The following DPP10 variants were observed in gnomAD, a reference collection of about 807,000 sequenced individuals.
DPP10 encodes the protein dipeptidyl peptidase like 10.
DPP10 carries 33 observed loss-of-function variants against 120.9 expected under a neutral mutation model. That is an observed-to-expected ratio of 0.27 (90% CI 0.21 to 0.37). The LOEUF (loss-of-function observed/expected upper bound fraction) is 0.37. DPP10 is among the 10% of genes least tolerant of loss of function. DPP10 has a pLI of 1.00. For missense variants in DPP10, 816 were observed against 942.8 expected, an observed-to-expected ratio of 0.87 and a Z score of 1.76; for synonymous variants, 337 against 326.1, an observed-to-expected ratio of 1.03 and a Z score of -0.36.
chr2:115,056,791 G>A (rs1282429441), intron 1 of DPP10, among the ~76,000 whole-genome samples: 1 of 152,170 alleles, frequency 6.6e-6, no homozygotes, highest in Non-Finnish European at 1.5e-5. Context: ...TAGAGGAGGA[G>A]GAGAAACAAA....
intron 5 of DPP10, among the ~76,000 whole-genome samples, chr2:115,606,017 G>T (rs902177888): frequency 6.6e-6 from 1 of 152,004 alleles, no homozygotes; most frequent in Non-Finnish European, 1.5e-5. Flanking sequence ...AGAATTGTTG[G>T]TAAAATGAAG....
chr2:114,512,182 A>G (rs1210474860), intron 1 of DPP10, among the ~76,000 whole-genome samples: 1 of 152,204 alleles, frequency 6.6e-6, no homozygotes, highest in African/African-American at 2.4e-5. Context: ...AACATAACTC[A>G]GATGATCTTC....
chr2:115,768,287 T>C lies in DPP10; in HGVS notation c.1114-10T>C. 4.3e-6 allele frequency: 7 copies of C among 1,612,504 alleles called. No individual in the cohort carries two copies. Among genetic ancestry groups the C allele is most frequent in the African/African-American group, 1.3e-5 (1 of 75,000 alleles). ...TTTCTGAGATTGTTCTGTGCTCTTC[T>C]GTATTTTAGAATGAGGAGCCCGTGT... On this transcript the variant is annotated splice_polypyrimidine_tract_variant and intron_variant, in intron 12 of 25. Coordinates refer to ENST00000410059, the MANE Select transcript of DPP10 (RefSeq NM_020868.6).
intron 5 of DPP10, among the ~76,000 whole-genome samples, chr2:115,585,063 C>A (rs2082208635): frequency 6.6e-6 from 1 of 152,234 alleles, no homozygotes; most frequent in South Asian, 2.1e-4. Flanking sequence ...GTTATAGTAG[C>A]AATAACCTTA....
chr2:114,795,820 T>C (rs1683656707), intron 1 of DPP10, among the ~76,000 whole-genome samples: 1 of 152,110 alleles, frequency 6.6e-6, no homozygotes, highest in Admixed American at 6.5e-5. Context: ...TACCATAAAA[T>C]ATACACGAAT....
chr2:115,129,486 C>T (rs1376971977), intron 1 of DPP10, among the ~76,000 whole-genome samples: 1 of 152,100 alleles, frequency 6.6e-6, no homozygotes, highest in Non-Finnish European at 1.5e-5. Flanking sequence ...CCTTAAGTTT[C>T]CAGAGAGCCT....
chr2:115,600,887 A>T (rs1161074418), intron 5 of DPP10, among the ~76,000 whole-genome samples: 1 of 152,222 alleles, frequency 6.6e-6, no homozygotes, highest in Non-Finnish European at 1.5e-5. Context: ...GCTGCTGTTT[A>T]ACGGGGACAC....
chr2:114,898,362 G>C lies in DPP10; in HGVS notation c.61-410877G>C, dbSNP rs191380722. 3.8e-3 allele frequency among the ~76,000 whole-genome samples: 576 copies of C among 152,142 alleles called. 1 individual carries two copies. The highest frequency in any genetic ancestry group is 0.013 in the African/African-American group (552 of 41,516). On this transcript the variant is annotated intron_variant, in intron 1 of 25. Coordinates refer to ENST00000410059, the MANE Select transcript of DPP10 (RefSeq NM_020868.6). The stretch of plus-strand genomic sequence containing the variant: ...GGGGACTGTTGTGGGGTGGGGGATG[G>C]GGGGAGGGATAGCTTTAGGAGATAT...
chr2:115,102,151 T>G (rs2048719278), intron 1 of DPP10, among the ~76,000 whole-genome samples: 1 of 152,336 alleles, frequency 6.6e-6, no homozygotes, highest in East Asian at 1.9e-4. Context: ...TGGTGAGGGC[T>G]TCCTTCCTGG....
chr2:114,934,951 T>C (rs1465714292), intron 1 of DPP10, among the ~76,000 whole-genome samples: 2 of 152,210 alleles, frequency 1.3e-5, no homozygotes, highest in African/African-American at 2.4e-5. Flanking sequence ...TACATCATCA[T>C]CATAATCATA....
At chr2:115,775,415 A>G (rs1559139268) in intron 13 of DPP10, among the ~76,000 whole-genome samples, 1 of 152,056 alleles carries the variant, frequency 6.6e-6, no homozygotes, top group Admixed American at 6.6e-5. Context: ...TAAAAATATT[A>G]AAAGAATACT....
intron 1 of DPP10, among the ~76,000 whole-genome samples, chr2:115,009,651 A>G (rs1476290947): frequency 6.6e-6 from 1 of 151,904 alleles, no homozygotes; most frequent in African/African-American, 2.4e-5. Flanking sequence ...GGGGAGGGAT[A>G]GCATTAGGAG....
At chr2:114,880,418 G>A (rs1691509698) in intron 1 of DPP10, among the ~76,000 whole-genome samples, 1 of 152,152 alleles carries the variant, frequency 6.6e-6, no homozygotes, top group Non-Finnish European at 1.5e-5. Context: ...ACCAGTAGCT[G>A]CATCAGCATA....
rs528866758 is a variant in DPP10, at chr2:114,871,141, T to C, written c.60+428303T>C. 5.9e-5 allele frequency among the ~76,000 whole-genome samples: 8 copies of C among 134,986 alleles called. 1 individual carries two copies. Among genetic ancestry groups the C allele is most frequent in the African/African-American group, 2.1e-4 (8 of 38,880 alleles). 88.6% of individuals were successfully genotyped at this position (134,986 alleles called of 152,430 possible). On this transcript the variant is annotated intron_variant, in intron 1 of 25. Transcript: ENST00000410059. ...GGTATTTACCCTCTAGCTTTCCCGA[T>C]TTGAACTACGTCAAATAATGACCTT...
chr2:115,104,992 C>T (rs1212493816), intron 1 of DPP10, among the ~76,000 whole-genome samples: 2 of 148,662 alleles, frequency 1.3e-5, no homozygotes, highest in African/African-American at 4.9e-5. Flanking sequence ...GGCGACAGAA[C>T]AAGACTCCGT....
rs145578602 is a variant in DPP10, at chr2:114,737,724, A to G, written c.60+294886A>G. Among the ~76,000 whole-genome samples, 275 of 152,334 alleles carry G rather than the reference A, an allele frequency of 1.8e-3. 1 individual carries two copies. Among genetic ancestry groups the G allele is most frequent in the African/African-American group, 5.8e-3 (240 of 41,586 alleles). ...AGCATGAGGCTGAGAGTCAAGTGAC[A>G]TGGGTTCTGTTCTCAGTTCTGTCAA... On this transcript the variant is annotated intron_variant, in intron 1 of 25. Coordinates refer to ENST00000410059, the MANE Select transcript of DPP10 (RefSeq NM_020868.6).
At chr2:115,268,568 C>T (rs1451791202) in intron 1 of DPP10, among the ~76,000 whole-genome samples, 1 of 152,108 alleles carries the variant, frequency 6.6e-6, no homozygotes, top group Non-Finnish European at 1.5e-5. Flanking sequence ...AACTGTAGGG[C>T]TGTAGACTTT....
intron 3 of DPP10, among the ~76,000 whole-genome samples, chr2:115,407,179 C>G (rs1049866089): frequency 1.3e-5 from 2 of 152,140 alleles, no homozygotes; most frequent in Non-Finnish European, 2.9e-5. Flanking sequence ...CTCTGCAGTG[C>G]GCAGGTGGGC....
intron 1 of DPP10, among the ~76,000 whole-genome samples, chr2:114,773,073 A>C (rs1681412091): frequency 6.6e-6 from 1 of 152,230 alleles, no homozygotes; most frequent in African/African-American, 2.4e-5. Flanking sequence ...CATAAGGTCT[A>C]GTAATGATTA....
Sources: allele counts gnomAD v4.1 joint callset (sites outside exome capture counted in the v4.1 genomes callset), GRCh38; gene constraint gnomAD v4.1.1; transcripts MANE v1.5; gene names NCBI Gene and HGNC (gene_info 2026-07-23, HGNC 2026-07-21).